KIAA1549: variants seen among roughly 807,000 people sequenced by gnomAD.
The protein encoded by KIAA1549 is KIAA1549, also known as UPF0606 protein KIAA1549.
Under a neutral mutation model 156.4 loss-of-function variants are expected in KIAA1549, and 70 were observed. The observed-to-expected ratio is 0.45, with a 90% CI of 0.37 to 0.55. The LOEUF (loss-of-function observed/expected upper bound fraction) is 0.55. KIAA1549 is among the 20% of genes least tolerant of loss of function. The probability of loss-of-function intolerance (pLI) is 0.00; values close to 1 mark genes in which losing one functional copy is unlikely to be tolerated. For missense variants in KIAA1549, 2,428 were observed against 2,540.9 expected (o/e 0.96, Z 0.96); for synonymous variants, 1,103 against 1,066.4 (o/e 1.03, Z -0.67).
rs1812451748 is a variant in KIAA1549, at chr7:138,919,012, T to C, written c.614A>G (p.Asp205Gly). Residue 205 changes from aspartate (D) to glycine (G), a missense_variant, in exon 2 of 20, where the codon GAT becomes GGT. By Grantham distance (94) the Asp-to-Gly change is moderately conservative. Coordinates refer to ENST00000422774, the MANE Select transcript of KIAA1549 (RefSeq NM_001164665.2). ...CTGCCAGCCCGATGTCACTTCTTCA[T>C]CTTGTAAAGAAACCATGGGTAATGA... ...TPSLPMVSLQ[D>G]EEVTSGWQNT... 1 of 1,613,924 alleles carries C rather than the reference T, an allele frequency of 6.2e-7. No homozygotes were observed. Among genetic ancestry groups the C allele is most frequent in the Non-Finnish European group, 8.5e-7 (1 of 1,179,904 alleles).
At chr7:138,957,012 A>G (rs1813685552) in intron 1 of KIAA1549, among the ~76,000 whole-genome samples, 1 of 152,222 alleles carries the variant, frequency 6.6e-6, no homozygotes, top group Non-Finnish European at 1.5e-5. Flanking sequence ...AGGGGCAATG[A>G]GCATCCAAAT....
intron 10 of KIAA1549, among the ~76,000 whole-genome samples, chr7:138,882,936 G>C (rs1811283523): frequency 6.6e-6 from 1 of 151,804 alleles, no homozygotes; most frequent in Non-Finnish European, 1.5e-5. Context: ...TAGAGCTGTG[G>C]TAAGATATTA....
chr7:138,943,016 CT>C (rs1443662556), intron 1 of KIAA1549, among the ~76,000 whole-genome samples: 3 of 152,230 alleles, frequency 2.0e-5, no homozygotes, highest in Non-Finnish European at 2.9e-5. Context: ...CTACTAAGGG[CT>C]GCCTGGGCCT....
intron 12 of KIAA1549, among the ~76,000 whole-genome samples, chr7:138,876,861 T>C (rs1381476001): frequency 1.3e-5 from 2 of 152,226 alleles, no homozygotes; most frequent in Non-Finnish European, 2.9e-5. Flanking sequence ...CATGAGGGTA[T>C]GTGTCAGGGC....
chr7:138,868,204 A>G lies in KIAA1549; in HGVS notation c.4776-76T>C, dbSNP rs1810811501. ...CTGACTTACCAACTAAACACTAAGT[A>G]CCCTGAGTACCTAGGATGTGCTACC... On this transcript the variant is annotated intron_variant, in intron 14 of 19. Coordinates refer to ENST00000422774, the MANE Select transcript of KIAA1549 (RefSeq NM_001164665.2). The G allele has an allele frequency of 5.8e-6, 8 of 1,391,282 alleles. No homozygotes were observed. The Admixed American group carries it at 7.9e-5, about 14-fold the overall frequency. 86.2% of individuals were successfully genotyped at this position (1,391,282 alleles called of 1,614,324 possible). A position where few individuals can be genotyped will look rare whatever the true frequency, so the allele number is the denominator to read the frequency against.
Position 138,971,948 on chromosome 7 carries a change from G to C in KIAA1549, c.187+9135C>G, listed in dbSNP as rs980879242. On this transcript the variant is annotated intron_variant, in intron 1 of 19. Coordinates refer to ENST00000422774, the MANE Select transcript of KIAA1549 (RefSeq NM_001164665.2). ...CAGTCAAGCAAGGAGGAAGGGACGT[G>C]ACCTGTTCCTAGCAGGCCCTTCCTG... Among the ~76,000 whole-genome samples, 3 of 152,284 alleles carry C rather than the reference G, an allele frequency of 2.0e-5. No individual in the cohort carries two copies. In the East Asian group the frequency reaches 5.8e-4, roughly 29 times the overall value.
intron 1 of KIAA1549, among the ~76,000 whole-genome samples, chr7:138,944,281 T>A (rs1442017274): frequency 6.6e-6 from 1 of 152,122 alleles, no homozygotes; most frequent in Non-Finnish European, 1.5e-5. Context: ...AAAAGCCACA[T>A]AATTGCCAAG....
rs540592437 is a variant in KIAA1549 at position 138,845,297 on chromosome 7, T to C, written c.5295-823A>G. Among the ~76,000 whole-genome samples the C allele has an allele frequency of 1.4e-4, 22 of 152,346 alleles. 1 individual carries two copies. Among genetic ancestry groups the C allele is most frequent in the Admixed American group, 1.4e-3 (22 of 15,304 alleles). On this transcript the variant is annotated intron_variant, in intron 17 of 19. Coordinates refer to ENST00000422774, the MANE Select transcript of KIAA1549 (RefSeq NM_001164665.2). ...TAGTGCTATATTGTTCAAATGTCCT[T>C]AACAGAAGGATTCTCATAGAGTTTG... is the stretch of plus-strand genomic sequence containing the variant.
intron 17 of KIAA1549, among the ~76,000 whole-genome samples, chr7:138,847,722 C>G (rs1810119803): frequency 2.0e-5 from 3 of 152,186 alleles, no homozygotes; most frequent in Non-Finnish European, 4.4e-5. Context: ...CTATTCTTGG[C>G]CCTTTGCATT....
intron 1 of KIAA1549, among the ~76,000 whole-genome samples, chr7:138,964,210 G>C (rs112728033): frequency 4.6e-5 from 7 of 152,312 alleles, no homozygotes; most frequent in African/African-American, 1.7e-4. Flanking sequence ...GCCACAGGTG[G>C]CTCTGACTGG....
intron 18 of KIAA1549, among the ~76,000 whole-genome samples, chr7:138,843,312 T>C (rs1279459017): frequency 6.6e-6 from 1 of 152,240 alleles, no homozygotes; most frequent in Non-Finnish European, 1.5e-5. Context: ...AATTTTAAAA[T>C]AATTTAAAAA....
rs772963038 is a variant in KIAA1549 at position 138,917,961 on chromosome 7, A to T, written c.1665T>A (p.Thr555=). Residue 555 remains threonine (T), a synonymous_variant, in exon 2 of 20, where the codon ACT becomes ACA. Coordinates refer to ENST00000422774, the MANE Select transcript of KIAA1549 (RefSeq NM_001164665.2). The part of the protein sequence containing the change: ...ETQVTPSSVT[T]AFFSVITSIL... Reference sequence around the variant, plus strand: ...TGCTGGTGATGACCGAGAAAAATGCAGTGGTCACGCTGGATGGCGTCACTT... The same window carrying T: ...TGCTGGTGATGACCGAGAAAAATGCTGTGGTCACGCTGGATGGCGTCACTT... 1 of 1,592,180 alleles carries T rather than the reference A, an allele frequency of 6.3e-7. No individual in the cohort carries two copies. The highest frequency in any genetic ancestry group is 1.1e-5 in the South Asian group (1 of 87,752).
In KIAA1549 at chr7:138,869,671, G is replaced by C; in HGVS notation, c.4642C>G (p.Pro1548Ala). The stretch of plus-strand genomic sequence containing the variant: ...CCCGAGGACAGGTCGTCTACCACCG[G>C]GAACTCGTAGTGCCCGCGGCGCTTG... ...RAKRRGHYEFPVVDDLSSGDT... is the reference protein window; with the variant it reads ...RAKRRGHYEFAVVDDLSSGDT... The change falls in exon 14 of 20, where the codon CCG becomes GCG. Residue 1548 changes from proline (P) to alanine (A), a missense_variant. Physicochemically the swap from Pro to Ala is conservative, Grantham distance 27. Coordinates refer to ENST00000422774, the MANE Select transcript of KIAA1549 (RefSeq NM_001164665.2). 1 of 1,612,282 alleles carries C rather than the reference G, an allele frequency of 6.2e-7. No homozygotes were observed.
intron 9 of KIAA1549, among the ~76,000 whole-genome samples, chr7:138,898,073 C>A (rs777724963): frequency 6.6e-6 from 1 of 151,594 alleles, no homozygotes; most frequent in Non-Finnish European, 1.5e-5. Flanking sequence ...CTTTGGGAGG[C>A]CAAGGCAGGC....
intron 12 of KIAA1549, among the ~76,000 whole-genome samples, chr7:138,872,363 A>G (rs953104403): frequency 1.3e-5 from 2 of 151,668 alleles, no homozygotes; most frequent in Non-Finnish European, 1.5e-5. Flanking sequence ...GAACTGTGAA[A>G]AAAAAAAAAA....
Position 138,837,880 on chromosome 7 carries a change from T to C in KIAA1549, c.*26A>G, listed in dbSNP as rs753945862. ...TCTTGCTTCCACAGGAAGCGGATAC[T>C]TGGCAAATCTGCGAGGCGAGGCCGA... On this transcript the variant is annotated 3_prime_UTR_variant, in exon 20 of 20. Coordinates refer to ENST00000422774, the MANE Select transcript of KIAA1549 (RefSeq NM_001164665.2). 1 of 1,608,166 alleles carries C rather than the reference T, an allele frequency of 6.2e-7. No homozygotes were observed. Among genetic ancestry groups the C allele is most frequent in the South Asian group, 1.1e-5 (1 of 89,882 alleles).
intron 10 of KIAA1549, among the ~76,000 whole-genome samples, chr7:138,881,983 A>C (rs1425610556): frequency 6.6e-6 from 1 of 152,244 alleles, no homozygotes; most frequent in Non-Finnish European, 1.5e-5. Flanking sequence ...CAGGAAGCAG[A>C]GAACACTGAG....
At chr7:138,971,988 T>C (rs1814234104) in intron 1 of KIAA1549, among the ~76,000 whole-genome samples, 1 of 152,102 alleles carries the variant, frequency 6.6e-6, no homozygotes, top group African/African-American at 2.4e-5. Flanking sequence ...AGGTGGAGGA[T>C]GAACTGGAGG....
chr7:138,917,490 G>A lies in KIAA1549; in HGVS notation c.2136C>T (p.Ser712=). The A allele has an allele frequency of 1.2e-6, 2 of 1,613,700 alleles. No homozygotes were observed. The highest frequency in any genetic ancestry group is 1.1e-5 in the South Asian group (1 of 91,072). Residue 712 remains serine, a synonymous_variant, in exon 2 of 20, where the codon AGC becomes AGT. Coordinates refer to ENST00000422774, the MANE Select transcript of KIAA1549 (RefSeq NM_001164665.2). ...TTGACCATGGTGACACCTCAGAACG[G>A]CTAGGTAGCAACATGATGGTGTTTA... ...LPLNTIMLLP[S]RSEVSPWSSF...
Sources: gnomAD v4.1 joint callset for allele counts (sites outside exome capture counted in the v4.1 genomes callset) on GRCh38, gnomAD v4.1.1 for gene constraint, MANE v1.5 for transcripts, NCBI Gene and HGNC (gene_info 2026-07-23, HGNC 2026-07-21) for gene names.